KALRN: variants seen among roughly 807,000 people sequenced by gnomAD.
KALRN encodes kalirin.
A neutral mutation model predicts 353.7 loss-of-function variants in KALRN; 70 were observed. The observed-to-expected ratio is 0.20, with a 90% CI of 0.16 to 0.24. KALRN has a LOEUF of 0.24. Ranked by LOEUF, KALRN falls within the 10% of genes least tolerant of loss-of-function variation. The pLI, the probability that KALRN is intolerant of heterozygous loss-of-function variation, is 1.00. For synonymous variants in KALRN, 1,391 were observed against 1,434.8 expected (o/e 0.97, Z 0.69); for missense variants, 2,791 against 3,756.7 (o/e 0.74, Z 6.72).
At chr3:124,187,782 TAG>T in intron 1 of KALRN, among the ~76,000 whole-genome samples, 1 of 152,294 alleles carries the variant, frequency 6.6e-6, no homozygotes, top group Non-Finnish European at 1.5e-5. Context: ...AAGTGATTAT[TAG>T]AGAGTTACCA....
chr3:124,518,660 C>T, intron 33 of KALRN: 2 of 1,444,786 alleles, frequency 1.4e-6, no homozygotes, highest in South Asian at 1.5e-5. Flanking sequence ...TCGGGGCTCC[C>T]TTCTTCTCTA....
chr3:124,310,639 A>G (rs1435218029), intron 6 of KALRN, among the ~76,000 whole-genome samples: 1 of 152,222 alleles, frequency 6.6e-6, no homozygotes, highest in Non-Finnish European at 1.5e-5. Context: ...TTTAGACAAG[A>G]GTGCCAATAT....
chr3:124,585,007 G>T lies in KALRN; in HGVS notation c.5182+21918G>T, dbSNP rs912311792. 16 of 1,391,526 alleles carry T rather than the reference G, an allele frequency of 1.1e-5. No homozygotes were observed. The African/African-American group carries it at 1.9e-4, about 17-fold the overall frequency. 86.2% of individuals were successfully genotyped at this position (1,391,526 alleles called of 1,614,324 possible). A position where few individuals can be genotyped will look rare whatever the true frequency, so the allele number is the denominator to read the frequency against. ...GAGGGAAGGGTTGGGGAGGCCTCTG[G>T]GGTAGGCGGATGGGGCTGGGGATCA... On this transcript the variant is annotated intron_variant, in intron 34 of 59. Coordinates refer to ENST00000682506, the MANE Select transcript of KALRN (RefSeq NM_001388419.1).
chr3:124,065,215 G>A (rs1005072978), intron 1 of KALRN, among the ~76,000 whole-genome samples: 10 of 152,338 alleles, frequency 6.6e-5, no homozygotes, highest in African/African-American at 2.4e-4. Flanking sequence ...GCATCGTGAT[G>A]ATAGGGCTGG....
chr3:124,339,534 A>G (rs904267448), intron 9 of KALRN, among the ~76,000 whole-genome samples: 3 of 152,168 alleles, frequency 2.0e-5, no homozygotes, highest in Non-Finnish European at 4.4e-5. Context: ...CTCCAGTTGC[A>G]GCCGATGGGG....
At chr3:124,604,022 T>C (rs2077067495) in intron 34 of KALRN, among the ~76,000 whole-genome samples, 2 of 152,092 alleles carry the variant, frequency 1.3e-5, no homozygotes, top group African/African-American at 4.8e-5. Flanking sequence ...TGCTTTGGAC[T>C]TGGATTCTAT....
At chr3:124,624,516 T>C (rs1350739569) in intron 34 of KALRN, among the ~76,000 whole-genome samples, 1 of 152,202 alleles carries the variant, frequency 6.6e-6, no homozygotes, top group Non-Finnish European at 1.5e-5. Flanking sequence ...GAGATTACTG[T>C]ACTGTGATTA....
chr3:124,130,810 C>T (rs922541867), intron 1 of KALRN, among the ~76,000 whole-genome samples: 2 of 152,076 alleles, frequency 1.3e-5, no homozygotes, highest in Non-Finnish European at 2.9e-5. Context: ...AGATAAAGAG[C>T]GCACTATTGG....
At chr3:124,607,965 A>G (rs1448389326) in intron 34 of KALRN, among the ~76,000 whole-genome samples, 1 of 151,386 alleles carries the variant, frequency 6.6e-6, no homozygotes. Context: ...AATGTTATCT[A>G]AGCATTTTCC....
intron 13 of KALRN, 124 bp downstream of exon 13, chr3:124,398,995 C>A: frequency 1.1e-6 from 1 of 945,822 alleles, no homozygotes; most frequent in Non-Finnish European, 1.5e-6. Context: ...TTTTTAGAAC[C>A]CAAGAAATTC....
At chr3:124,318,319 C>A (rs1228799925) in intron 6 of KALRN, among the ~76,000 whole-genome samples, 1 of 152,188 alleles carries the variant, frequency 6.6e-6, no homozygotes, top group Non-Finnish European at 1.5e-5. Context: ...TTTGGCCCCC[C>A]AGAGGGCACC....
chr3:124,518,681 T>A, intron 33 of KALRN: 1 of 1,428,468 alleles, frequency 7.0e-7, no homozygotes, highest in Non-Finnish European at 9.1e-7. Flanking sequence ...CTGGGTGCAA[T>A]TCGAGGTTGC....
chr3:124,719,487 A>G lies in KALRN; in HGVS notation c.*17A>G, dbSNP rs371919762. ...GGGACGTAGCCATCTCCCAGCCCCT[A>G]TGGTTTCACATAGACGTGCAGTGTG... On this transcript the variant is annotated 3_prime_UTR_variant, in exon 60 of 60. Coordinates refer to ENST00000682506, the MANE Select transcript of KALRN (RefSeq NM_001388419.1). The surrounding 1 kb of genome is among the most constrained non-coding windows in gnomAD (Gnocchi z 5.3). The G allele has an allele frequency of 9.4e-5, 150 of 1,601,376 alleles. No homozygotes were observed. Among genetic ancestry groups the G allele is most frequent in the Middle Eastern group, 3.3e-4 (2 of 6,026 alleles).
intron 10 of KALRN, among the ~76,000 whole-genome samples, chr3:124,357,036 C>T (rs548388634): frequency 2.3e-4 from 35 of 152,318 alleles, no homozygotes; most frequent in Admixed American, 1.2e-3. Flanking sequence ...CCACCCCTTC[C>T]GGTGTGCTCT....
chr3:124,696,670 T>C (rs1431403853), intron 54 of KALRN, among the ~76,000 whole-genome samples: 1 of 152,020 alleles, frequency 6.6e-6, no homozygotes, highest in Non-Finnish European at 1.5e-5. Flanking sequence ...CATGAGCCAC[T>C]GTGCCCATCC....
intron 1 of KALRN, among the ~76,000 whole-genome samples, chr3:124,112,631 C>T (rs899313375): frequency 4.6e-5 from 7 of 152,090 alleles, no homozygotes; most frequent in African/African-American, 1.7e-4. Flanking sequence ...GTTTGGGGTC[C>T]ATCTTTCCAC....
chr3:124,444,843 G>GAT (rs2093783828), intron 19 of KALRN, among the ~76,000 whole-genome samples: 1 of 149,324 alleles, frequency 6.7e-6, no homozygotes, highest in Admixed American at 6.7e-5. Context: ...GAAAGAGAGA[G>GAT]AAAGAAAAAA....
chr3:124,433,239 TA>T (rs1455441136), intron 16 of KALRN, among the ~76,000 whole-genome samples: 1 of 150,452 alleles, frequency 6.6e-6, no homozygotes, highest in Non-Finnish European at 1.5e-5. Context: ...AAAAAGTTAA[TA>T]AAAAATAAAA....
At chr3:124,180,141 G>A (rs2073373059) in intron 1 of KALRN, among the ~76,000 whole-genome samples, 1 of 152,162 alleles carries the variant, frequency 6.6e-6, no homozygotes, top group South Asian at 2.1e-4. Context: ...TCATCACTGT[G>A]GCTCTTCTCA....
Sources: allele counts gnomAD v4.1 joint callset (sites outside exome capture counted in the v4.1 genomes callset), GRCh38; gene constraint gnomAD v4.1.1; non-coding constraint Gnocchi (gnomAD v3.1); transcripts MANE v1.5; gene names NCBI Gene and HGNC (gene_info 2026-07-23, HGNC 2026-07-21).